NUP210: variants seen among roughly 807,000 people sequenced by gnomAD.
The protein encoded by NUP210 is nuclear pore membrane glycoprotein 210.
In NUP210, 151 loss-of-function variants were observed where a neutral mutation model predicts 196.0. The ratio of observed to expected loss-of-function variants is 0.77; its 90% CI spans 0.67 to 0.88. The LOEUF (loss-of-function observed/expected upper bound fraction) is 0.88, where lower values mean the gene tolerates loss of function less well. NUP210 is among the 40% of genes least tolerant of loss of function. NUP210 has a pLI of 0.00. For missense variants in NUP210, 2,314 were observed against 2,493.7 expected (o/e 0.93, Z 1.53); for synonymous variants, 1,070 against 1,052.7 (o/e 1.02, Z -0.32).
intron 16 of NUP210, 99 bp from the exon 17 acceptor site, chr3:13,354,206 T>A: frequency 9.9e-7 from 1 of 1,012,016 alleles, no homozygotes; most frequent in Non-Finnish European, 1.5e-6. Flanking sequence ...CCCTGTGGGC[T>A]CTTGGGGGTG....
chr3:13,336,797 C>T lies in NUP210; in HGVS notation c.3674G>A (p.Arg1225Gln), dbSNP rs376583097. The T allele has an allele frequency of 1.5e-5, 25 of 1,613,046 alleles. No individual in the cohort carries two copies. Among genetic ancestry groups the T allele is most frequent in the Non-Finnish European group, 1.9e-5 (22 of 1,179,616 alleles). The change falls in exon 27 of 40, where the codon CGG (arginine) becomes CAG (glutamine). Residue 1225 changes from arginine (R) to glutamine (Q), a missense_variant. By Grantham distance (43) the Arg-to-Gln change is conservative (BLOSUM62 1). Coordinates refer to ENST00000254508, the MANE Select transcript of NUP210 (RefSeq NM_024923.4). ...TKRDVLDLRG[R>Q]HHEASIRLPS... ...GGGGTGGTTACCTACCTCGTGGTGC[C>T]GCCCTCGGAGGTCCAGGACGTCCCG...
chr3:13,397,419 G>A lies in NUP210; in HGVS notation c.374C>T (p.Thr125Ile). ...GGAGTCCTCCAGGTAGAGCTCGCGGGTGGTGGAGACGATCTGGATGTCATG... is the reference window on the plus strand; with the variant it reads ...GGAGTCCTCCAGGTAGAGCTCGCGGATGGTGGAGACGATCTGGATGTCATG... ...LIHDIQIVST[T>I]RELYLEDSPL... The change falls in exon 3 of 40, where the codon ACC becomes ATC. Residue 125 changes from threonine (T) to isoleucine (I), a missense_variant. Thr to Ile is a moderately conservative substitution (Grantham distance 89). Coordinates refer to ENST00000254508, the MANE Select transcript of NUP210 (RefSeq NM_024923.4). 1.9e-6 allele frequency: 3 copies of A among 1,613,320 alleles called. No homozygotes were observed. The highest frequency in any genetic ancestry group is 1.7e-6 in the Non-Finnish European group (2 of 1,179,698).
chr3:13,337,062 T>G, intron 26 of NUP210, 144 bp from the exon 27 acceptor site: 1 of 1,005,526 alleles, frequency 9.9e-7, no homozygotes, highest in Non-Finnish European at 1.5e-6. Flanking sequence ...TTTGGGAATT[T>G]TGATGAAATA....
rs2125174483 is a variant in NUP210 at position 13,317,222 on chromosome 3, TCA to T, written c.*457_*458del. 1 of 175,188 alleles carries T rather than the reference TCA, an allele frequency of 5.7e-6. No individual in the cohort carries two copies. The highest frequency in any genetic ancestry group is 1.2e-4 in the South Asian group (1 of 8,406). 10.9% of individuals were successfully genotyped at this position (175,188 alleles called of 1,614,324 possible). ...GCCAGACTAGGGGCAAAGTAAGTTT[TCA>T]CAGGGGGAAAAACCCCACCAAAAAC... On this transcript the variant is annotated 3_prime_UTR_variant, in exon 40 of 40. Transcript: ENST00000254508.
At chr3:13,413,902 G>A (rs544795817) in intron 1 of NUP210, among the ~76,000 whole-genome samples, 24 of 152,318 alleles carry the variant, frequency 1.6e-4, no homozygotes, top group Admixed American at 1.4e-3. Flanking sequence ...ACCACATACA[G>A]ACACCAGAAG....
At chr3:13,385,882 C>A (rs574281908) in intron 6 of NUP210, among the ~76,000 whole-genome samples, 1 of 152,250 alleles carries the variant, frequency 6.6e-6, no homozygotes, top group Admixed American at 6.5e-5. Context: ...GAATTCCAAC[C>A]CTTGCTACAA....
chr3:13,328,238 C>T (rs1323203360), intron 31 of NUP210, among the ~76,000 whole-genome samples: 4 of 152,246 alleles, frequency 2.6e-5, no homozygotes, highest in Admixed American at 2.6e-4. Flanking sequence ...TCCTCATGAC[C>T]ACTCCCTCAG....
chr3:13,366,889 C>T (rs1321618369), intron 13 of NUP210, among the ~76,000 whole-genome samples: 1 of 151,880 alleles, frequency 6.6e-6, no homozygotes, highest in African/African-American at 2.4e-5. Context: ...CTTTGGGAGG[C>T]TGAGATGGGC....
Position 13,371,855 on chromosome 3 carries a change from C to A in NUP210, c.1765G>T (p.Gly589Cys). Residue 589 changes from glycine (G) to cysteine (C), a missense_variant, in exon 13 of 40, where the codon GGT (glycine) becomes TGT (cysteine). By Grantham distance (159) the Gly-to-Cys change is radical. Coordinates refer to ENST00000254508, the MANE Select transcript of NUP210 (RefSeq NM_024923.4). ...FDLAVEVENQ[G>C]VFQPLPGRLP... ...TTACCTGGGAGTGGCTGGAACACAC[C>A]CTGGTTCTCCACCTCGACAGCCAAG... 6.2e-7 allele frequency: 1 copy of A among 1,608,514 alleles called. No individual in the cohort carries two copies. Among genetic ancestry groups the A allele is most frequent in the Admixed American group, 1.7e-5 (1 of 59,416 alleles).
chr3:13,343,114 C>T (rs1576364248), intron 21 of NUP210, 61 bp downstream of exon 21: 1 of 1,594,764 alleles, frequency 6.3e-7, no homozygotes, highest in East Asian at 2.2e-5. Context: ...CTCCCACAGT[C>T]CCCTCCCTCC....
intron 33 of NUP210, 66 bp downstream of exon 33, chr3:13,325,729 C>T: frequency 6.3e-7 from 1 of 1,578,722 alleles, no homozygotes. Flanking sequence ...TCATAATCCT[C>T]CCAGAAGGTC....
chr3:13,376,809 A>G (rs1301217462), intron 9 of NUP210, among the ~76,000 whole-genome samples: 1 of 152,174 alleles, frequency 6.6e-6, no homozygotes, highest in African/African-American at 2.4e-5. Flanking sequence ...CCCTTGTTTG[A>G]TAACATGAGC....
chr3:13,340,049 ACAG>A lies in NUP210; in HGVS notation c.3292-19_3292-17del. ...CGGAGGTGACCTGAGCGGGGAGGAA[ACAG>A]CGGCGTGTCAGTGCCCGTCATGCCA... On this transcript the variant is annotated splice_polypyrimidine_tract_variant and intron_variant, in intron 24 of 39. Coordinates refer to ENST00000254508, the MANE Select transcript of NUP210 (RefSeq NM_024923.4). The surrounding 1 kb of genome is among the most constrained non-coding windows in gnomAD (Gnocchi z 4.0). The A allele has an allele frequency of 6.2e-7, 1 of 1,611,226 alleles. No individual in the cohort carries two copies. The highest frequency in any genetic ancestry group is 1.7e-5 in the Admixed American group (1 of 59,966).
At chr3:13,362,830 T>C (rs1674397468) in intron 14 of NUP210, among the ~76,000 whole-genome samples, 1 of 152,064 alleles carries the variant, frequency 6.6e-6, no homozygotes, top group Admixed American at 6.5e-5. Context: ...GAACTCCCAG[T>C]TCTGCATGCC....
rs561517972 is a variant in NUP210, at chr3:13,323,738, C to T, written c.4645-306G>A. 1.3e-4 allele frequency among the ~76,000 whole-genome samples: 20 copies of T among 152,258 alleles called. No homozygotes were observed. The South Asian group carries it at 3.3e-3, about 25-fold the overall frequency. On this transcript the variant is annotated intron_variant, in intron 33 of 39. Transcript: ENST00000254508. The surrounding 1 kb of genome is among the most constrained non-coding windows in gnomAD (Gnocchi z 4.3). ...GGGTGGGCTGAGGATTTTGGCTGTT[C>T]GGACAGCCATGATCACTTCTCTGTA... is the stretch of plus-strand genomic sequence containing the variant.
Position 13,340,362 on chromosome 3 carries a change from C to A in NUP210, c.3229-64G>T. ...CAAGCCCATGGCGCCAAGCATAACT[C>A]ACACACTACATGTTTCATGAGAGGA... On this transcript the variant is annotated intron_variant, in intron 23 of 39. Coordinates refer to ENST00000254508, the MANE Select transcript of NUP210 (RefSeq NM_024923.4). This position sits in a 1 kb window ranked among gnomAD's most constrained non-coding sequence, Gnocchi z 4.0. 1 of 1,397,380 alleles carries A rather than the reference C, an allele frequency of 7.2e-7. No individual in the cohort carries two copies. The highest frequency in any genetic ancestry group is 1.2e-5 in the South Asian group (1 of 86,048). 86.6% of individuals were successfully genotyped at this position (1,397,380 alleles called of 1,614,324 possible). A position where few individuals can be genotyped will look rare whatever the true frequency, so the allele number is the denominator to read the frequency against.
Position 13,366,061 on chromosome 3 carries a change from C to A in NUP210, c.1817G>T (p.Ser606Ile). 3.7e-6 allele frequency: 6 copies of A among 1,614,188 alleles called. No homozygotes were observed. The highest frequency in any genetic ancestry group is 4.2e-6 in the Non-Finnish European group (5 of 1,180,010). The change falls in exon 14 of 40, where the codon AGC becomes ATC. Residue 606 changes from serine to isoleucine, a missense_variant. By Grantham distance (142) the Ser-to-Ile change is moderately radical. Coordinates refer to ENST00000254508, the MANE Select transcript of NUP210 (RefSeq NM_024923.4). ...GRLPPGSEHC[S>I]GIRVKAEAQG... is the part of the protein sequence containing the mutation. ...GGCCTCGGCCTTTACCCGGATGCCG[C>A]TGCAGTGCTCAGAGCCTGGCGGCAG...
chr3:13,327,477 A>T, intron 31 of NUP210, 40 bp from the exon 32 acceptor site: 3 of 1,459,550 alleles, frequency 2.1e-6, no homozygotes, highest in Non-Finnish European at 2.8e-6. Flanking sequence ...AGTCTCGGGA[A>T]AGAAGCTTCC....
At chr3:13,375,304 T>G (rs1230399290) in intron 11 of NUP210, among the ~76,000 whole-genome samples, 200 bp downstream of exon 11, 1 of 152,122 alleles carries the variant, frequency 6.6e-6, no homozygotes, top group African/African-American at 2.4e-5. Flanking sequence ...CTCAATTTTT[T>G]CATTGTTGGT....
Sources: gnomAD v4.1 joint callset for allele counts (sites outside exome capture counted in the v4.1 genomes callset) on GRCh38, gnomAD v4.1.1 for gene constraint, Gnocchi (gnomAD v3.1) non-coding constraint, MANE v1.5 for transcripts, NCBI Gene and HGNC (gene_info 2026-07-23, HGNC 2026-07-21) for gene names.